PLCE1: variants seen among roughly 807,000 people sequenced by gnomAD.
PLCE1 encodes phospholipase C epsilon 1, also known as 1-phosphatidylinositol 4,5-bisphosphate phosphodiesterase epsilon-1.
Under a neutral mutation model 242.8 loss-of-function variants are expected in PLCE1, and 119 were observed. That is an observed-to-expected ratio of 0.49 (90% CI 0.42 to 0.57). PLCE1 has a LOEUF of 0.57. PLCE1 is among the 20% of genes least tolerant of loss of function. PLCE1 has a pLI of 0.00. For synonymous variants in PLCE1, 945 were observed against 1,017.4 expected (o/e 0.93, Z 1.35); for missense variants, 2,441 against 2,788.8 (o/e 0.88, Z 2.81).
intron 4 of PLCE1, among the ~76,000 whole-genome samples, chr10:94,190,037 A>C (rs1368335443): frequency 2.6e-5 from 4 of 152,230 alleles, no homozygotes; most frequent in Non-Finnish European, 5.9e-5. Context: ...GCAGTGGCTC[A>C]TGCCTATAAT....
chr10:94,194,403 AT>A (rs1316757870), intron 4 of PLCE1, among the ~76,000 whole-genome samples: 4 of 152,192 alleles, frequency 2.6e-5, no homozygotes, highest in Non-Finnish European at 5.9e-5. Flanking sequence ...GTGTCCAGGC[AT>A]TTTAACCACA....
intron 2 of PLCE1, among the ~76,000 whole-genome samples, chr10:94,048,057 C>T (rs1260251058): frequency 6.6e-6 from 1 of 152,162 alleles, no homozygotes; most frequent in Non-Finnish European, 1.5e-5. Flanking sequence ...TTATTTTACA[C>T]TGTATTTTAT....
intron 2 of PLCE1, among the ~76,000 whole-genome samples, chr10:94,084,223 TA>T (rs1477408020): frequency 6.6e-6 from 1 of 152,204 alleles, no homozygotes; most frequent in Non-Finnish European, 1.5e-5. Context: ...TTTGAAAATT[TA>T]AATATTTTTC....
intron 4 of PLCE1, among the ~76,000 whole-genome samples, chr10:94,222,025 C>T (rs911980978): frequency 6.6e-6 from 1 of 152,136 alleles, no homozygotes; most frequent in Non-Finnish European, 1.5e-5. Context: ...CTGCCCACGG[C>T]CTCCTGGGAC....
rs1391218575 is a variant in PLCE1 at position 94,132,289 on chromosome 10, G to T, written c.1322G>T (p.Cys441Phe). 3 of 1,614,024 alleles carry T rather than the reference G, an allele frequency of 1.9e-6. No individual in the cohort carries two copies. Among genetic ancestry groups the T allele is most frequent in the Non-Finnish European group, 2.5e-6 (3 of 1,179,994 alleles). The change falls in exon 3 of 33, where the codon TGC becomes TTC. Residue 441 changes from cysteine to phenylalanine, a missense_variant. Transcript: ENST00000371380. Reference protein sequence around the residue: ...TAHGRISVGPCLKQCVRDTVC... With the variant: ...TAHGRISVGPFLKQCVRDTVC... ...CATGGAAGGATAAGCGTTGGTCCATGCTTAAAGCAATGTGTCCGAGACACT... is the reference window on the plus strand; with the variant it reads ...CATGGAAGGATAAGCGTTGGTCCATTCTTAAAGCAATGTGTCCGAGACACT...
At chr10:94,210,470 A>G (rs2049297715) in intron 4 of PLCE1, among the ~76,000 whole-genome samples, 1 of 152,182 alleles carries the variant, frequency 6.6e-6, no homozygotes. Flanking sequence ...ACCACCCTGA[A>G]GAAAACAAGC....
intron 2 of PLCE1, chr10:94,107,959 A>G (rs564453584): frequency 1.3e-5 from 2 of 152,296 alleles, no homozygotes; most frequent in East Asian, 3.9e-4. Context: ...CCACTATTCC[A>G]GACAAGCCGT....
rs2137520716 is a variant in PLCE1, at chr10:94,246,533, T to G, written c.3008T>G (p.Leu1003Trp). The G allele has an allele frequency of 1.2e-6, 2 of 1,614,132 alleles. No homozygotes were observed. The highest frequency in any genetic ancestry group is 1.7e-6 in the Non-Finnish European group (2 of 1,179,964). ...HTAKMLFSGL[L>W]ELTRAVRKMR... ...GCTAAAATGCTCTTCAGCGGATTAT[T>G]GGAACTCACTAGAGCTGTGAGAAAG... Residue 1003 changes from leucine (L) to tryptophan (W), a missense_variant, in exon 8 of 33, where the codon TTG becomes TGG. Coordinates refer to ENST00000371380, the MANE Select transcript of PLCE1 (RefSeq NM_016341.4).
At position 94,174,176 on chromosome 10, in the gene PLCE1, G is replaced by A. The variant is rs150368559; in HGVS notation, c.1809+2680G>A. 1.7e-3 allele frequency among the ~76,000 whole-genome samples: 261 copies of A among 152,312 alleles called. 1 individual carries two copies. The highest frequency in any genetic ancestry group is 3.1e-3 in the Non-Finnish European group (209 of 68,032). On this transcript the variant is annotated intron_variant, in intron 4 of 32. Transcript: ENST00000371380. ...TCATCAACCCTGTCTTGCAGATGAG[G>A]AAAGTGAAGCTTAGGCAACAAAATA...
chr10:94,268,938 C>A lies in PLCE1; in HGVS notation c.4291C>A (p.Gln1431Lys). ...SVELYSQVLL[Q>K]GCRSVELDCW... ...CTCATTGATCACACAGGTCCTTTTG[C>A]AAGGCTGTCGAAGTGTAGAATTGGA... The change falls in exon 17 of 33, where the codon CAA (glutamine) becomes AAA (lysine). Residue 1431 changes from glutamine to lysine, a missense_variant. By Grantham distance (53) the Gln-to-Lys change is moderately conservative. This residue lies in a region of PLCE1 where 1,004 missense variants were observed against 1,322.7 expected (regional missense o/e 0.76). Coordinates refer to ENST00000371380, the MANE Select transcript of PLCE1 (RefSeq NM_016341.4). 6.2e-7 allele frequency: 1 copy of A among 1,608,366 alleles called. No homozygotes were observed. Among genetic ancestry groups the A allele is most frequent in the Non-Finnish European group, 8.5e-7 (1 of 1,174,992 alleles).
chr10:94,281,512 T>C (rs1256899860), intron 20 of PLCE1, among the ~76,000 whole-genome samples: 4 of 152,206 alleles, frequency 2.6e-5, no homozygotes, highest in African/African-American at 9.6e-5. Context: ...TCTAAGATAG[T>C]TGCATGTATT....
In PLCE1 at chr10:94,262,031, C is replaced by A. The variant is rs533628650; in HGVS notation, c.3815-463C>A. 2.0e-5 allele frequency among the ~76,000 whole-genome samples: 3 copies of A among 146,914 alleles called. No individual in the cohort carries two copies. In the South Asian group the frequency reaches 6.6e-4, roughly 32 times the overall value. On this transcript the variant is annotated intron_variant, in intron 13 of 32. Coordinates refer to ENST00000371380, the MANE Select transcript of PLCE1 (RefSeq NM_016341.4). ...TTTTTTTTTTTTTGAGACAGACTCT[C>A]ACTCTGTTGCCCAGGCTAGAGTGCA...
rs1355796898 is a variant in PLCE1, at chr10:94,273,642, C to T, written c.4587C>T (p.Asp1529=). Residue 1529 remains aspartate, a synonymous_variant, in exon 19 of 33, where the codon GAC becomes GAT. Coordinates refer to ENST00000371380, the MANE Select transcript of PLCE1 (RefSeq NM_016341.4). ...ATGATCCAATGCTTCCTTCACCTGA[C>T]CAACTCAGAAAGAAAGTTCTTCTTA... ...FSDDPMLPSP[D]QLRKKVLLKN... is the part of the protein sequence containing the mutation. 6.2e-7 allele frequency: 1 copy of T among 1,613,418 alleles called. No homozygotes were observed.
intron 5 of PLCE1, among the ~76,000 whole-genome samples, chr10:94,231,813 C>T (rs1057388355): frequency 1.3e-5 from 2 of 152,114 alleles, no homozygotes; most frequent in Non-Finnish European, 2.9e-5. Flanking sequence ...AGGGTTTGCG[C>T]TGCTATGAGA....
chr10:94,119,699 C>A (rs922576487), intron 2 of PLCE1, among the ~76,000 whole-genome samples: 5 of 152,134 alleles, frequency 3.3e-5, no homozygotes, highest in Non-Finnish European at 7.4e-5. Flanking sequence ...TGTATGCCCA[C>A]ACCAATGTAG....
chr10:94,159,939 A>G (rs1383798928), intron 3 of PLCE1, among the ~76,000 whole-genome samples: 1 of 152,144 alleles, frequency 6.6e-6, no homozygotes, highest in South Asian at 2.1e-4. Flanking sequence ...CCCTAAAAAG[A>G]ACATGAACTC....
chr10:94,112,872 A>C (rs1590051382), intron 2 of PLCE1, among the ~76,000 whole-genome samples: 1 of 152,228 alleles, frequency 6.6e-6, no homozygotes, highest in Non-Finnish European at 1.5e-5. Context: ...GAAATGTGAA[A>C]AAAATATATT....
intron 1 of PLCE1, among the ~76,000 whole-genome samples, chr10:94,017,674 T>C (rs1177058372): frequency 6.6e-6 from 1 of 152,238 alleles, no homozygotes; most frequent in Non-Finnish European, 1.5e-5. Flanking sequence ...CACCATCTTA[T>C]ATGACATAAT....
intron 9 of PLCE1, among the ~76,000 whole-genome samples, chr10:94,253,356 CT>C (rs916116667): frequency 6.0e-5 from 9 of 151,234 alleles, no homozygotes; most frequent in Admixed American, 2.0e-4. Context: ...GTGCCACACA[CT>C]TTTTTTTTCT....
Sources: allele counts gnomAD v4.1 joint callset (sites outside exome capture counted in the v4.1 genomes callset), GRCh38; gene constraint gnomAD v4.1.1; regional missense constraint gnomAD v4.1.1; transcripts MANE v1.5; gene names NCBI Gene and HGNC (gene_info 2026-07-23, HGNC 2026-07-21).